Variants in MDGA2 observed in about 807,000 individuals in gnomAD.
MDGA2 encodes MAM domain-containing glycosylphosphatidylinositol anchor protein 2.
A neutral mutation model predicts 117.8 loss-of-function variants in MDGA2; 40 were observed. That is an observed-to-expected ratio of 0.34 (90% CI 0.26 to 0.44). MDGA2 has a LOEUF of 0.44. Ranked by LOEUF, MDGA2 falls within the 20% of genes least tolerant of loss-of-function variation. The pLI, the probability that MDGA2 is intolerant of heterozygous loss-of-function variation, is 1.00. For missense variants in MDGA2, 1,123 were observed against 1,250.6 expected (o/e 0.90, Z 1.54); for synonymous variants, 452 against 439.0 (o/e 1.03, Z -0.37).
rs3039467 is a variant in MDGA2 at position 47,289,304 on chromosome 14, T to TACACACACACACACAC, written c.420+12091_420+12106dup. 2.3e-4 allele frequency among the ~76,000 whole-genome samples: 32 copies of TACACACACACACACAC among 140,618 alleles called. 1 individual carries two copies. Among genetic ancestry groups the TACACACACACACACAC allele is most frequent in the African/African-American group, 4.0e-4 (15 of 37,332 alleles). 92.3% of individuals were successfully genotyped at this position (140,618 alleles called of 152,430 possible). ...ACAAATAACTCATACTTTCTGGACTTACACACACACACACACACACACACA... is the reference window on the plus strand; with the variant it reads ...ACAAATAACTCATACTTTCTGGACTTACACACACACACACACACACACACACACACACACACACACA... On this transcript the variant is annotated intron_variant, in intron 2 of 16. Transcript: ENST00000399232.
chr14:47,051,176 G>A (rs181980919), intron 7 of MDGA2, among the ~76,000 whole-genome samples: 341 of 151,990 alleles, frequency 2.2e-3, no homozygotes, highest in South Asian at 8.7e-3. Context: ...GGTCAAGTCA[G>A]GTGGAAGTGA....
At chr14:47,586,541 C>T (rs1000018405) in intron 1 of MDGA2, among the ~76,000 whole-genome samples, 23 of 151,930 alleles carry the variant, frequency 1.5e-4, no homozygotes, top group African/African-American at 5.6e-4. Flanking sequence ...GACATCAGGA[C>T]TCAAGTCCAC....
chr14:47,015,870 C>A (rs574252658), intron 8 of MDGA2, among the ~76,000 whole-genome samples: 2 of 151,792 alleles, frequency 1.3e-5, no homozygotes, highest in Non-Finnish European at 2.9e-5. Flanking sequence ...ATCTAAGGAG[C>A]CCAGATGTAA....
At chr14:47,033,205 T>C (rs1007056951) in intron 8 of MDGA2, among the ~76,000 whole-genome samples, 15 of 152,172 alleles carry the variant, frequency 9.9e-5, no homozygotes, top group African/African-American at 3.6e-4. Flanking sequence ...AAGGAAAAAA[T>C]AGGAAATTTA....
chr14:47,443,572 A>G (rs1262715186), intron 1 of MDGA2, among the ~76,000 whole-genome samples: 1 of 152,156 alleles, frequency 6.6e-6, no homozygotes, highest in Non-Finnish European at 1.5e-5. Flanking sequence ...GCATTTCACC[A>G]TTGCATAATT....
At chr14:47,260,777 C>T (rs1156784094) in intron 2 of MDGA2, among the ~76,000 whole-genome samples, 1 of 152,046 alleles carries the variant, frequency 6.6e-6, no homozygotes, top group African/African-American at 2.4e-5. Flanking sequence ...ACTGAATTGA[C>T]TCCTCAATCA....
Position 47,635,401 on chromosome 14 carries a change from A to G in MDGA2, c.280+39116T>C, listed in dbSNP as rs546346475. 4.7e-4 allele frequency among the ~76,000 whole-genome samples: 71 copies of G among 152,268 alleles called. 1 individual carries two copies. Among genetic ancestry groups the G allele is most frequent in the African/African-American group, 1.6e-3 (67 of 41,578 alleles). ...TGATATCATCAATTTATTCTCTCCT[A>G]ATTTTTATATGACCTGACGTAGTAT... is the stretch of plus-strand genomic sequence containing the variant. On this transcript the variant is annotated intron_variant, in intron 1 of 16. Coordinates refer to ENST00000399232, the MANE Select transcript of MDGA2 (RefSeq NM_001113498.3).
intron 1 of MDGA2, among the ~76,000 whole-genome samples, chr14:47,633,594 C>T (rs2068661): frequency 0.25 from 37,983 of 151,988 alleles, 5,720 homozygotes; most frequent in South Asian, 0.45. Flanking sequence ...TAAGAAAAAA[C>T]GCCAAATTTC....
intron 5 of MDGA2, among the ~76,000 whole-genome samples, chr14:47,106,888 C>G (rs1316478329): frequency 7.3e-6 from 1 of 137,756 alleles, no homozygotes; most frequent in East Asian, 2.0e-4. Context: ...CCAACTTAGA[C>G]AATACTCTTT....
At chr14:47,136,666 A>G (rs527660743) in intron 4 of MDGA2, among the ~76,000 whole-genome samples, 10 of 152,278 alleles carry the variant, frequency 6.6e-5, no homozygotes, top group Non-Finnish European at 1.2e-4. Flanking sequence ...CATTATGTCT[A>G]TGTATTGATC....
At chr14:47,482,480 C>T (rs2138637025) in intron 1 of MDGA2, among the ~76,000 whole-genome samples, 1 of 152,166 alleles carries the variant, frequency 6.6e-6, no homozygotes, top group Admixed American at 6.6e-5. Context: ...TTTCACCGGG[C>T]TTCAGCTGCC....
intron 2 of MDGA2, among the ~76,000 whole-genome samples, chr14:47,295,041 G>A (rs1324362559): frequency 6.6e-6 from 1 of 152,114 alleles, no homozygotes; most frequent in East Asian, 1.9e-4. Flanking sequence ...CTAAGGTTAA[G>A]GTGTAATAAA....
rs948297773 is a variant in MDGA2 at position 46,957,527 on chromosome 14, G to A, written c.1936C>T (p.Arg646Cys). 1.2e-6 allele frequency: 2 copies of A among 1,614,074 alleles called. No individual in the cohort carries two copies. Among genetic ancestry groups the A allele is most frequent in the Middle Eastern group, 1.7e-4 (1 of 6,060 alleles). ...YPIRVLTYEW[R>C]LGNKLLRTGQ... ...GTCCGTAATAATTTATTGCCCAAGC[G>A]CCACTCATAGGTCAGCACCCGTATT... Residue 646 changes from arginine (R) to cysteine (C), a missense_variant, in exon 9 of 17, where the codon CGC (arginine) becomes TGC (cysteine). Coordinates refer to ENST00000399232, the MANE Select transcript of MDGA2 (RefSeq NM_001113498.3).
chr14:47,365,804 C>G (rs1245525583), intron 1 of MDGA2, among the ~76,000 whole-genome samples: 3 of 152,136 alleles, frequency 2.0e-5, no homozygotes, highest in Admixed American at 6.6e-5. Context: ...AATTTTTCCT[C>G]CTCCTTCTGT....
intron 1 of MDGA2, among the ~76,000 whole-genome samples, chr14:47,423,104 T>C (rs1165075176): frequency 6.6e-6 from 1 of 152,170 alleles, no homozygotes; most frequent in East Asian, 1.9e-4. Flanking sequence ...AATCCTTGCT[T>C]TCTCTTCTTG....
chr14:46,858,471 A>C (rs565805194), intron 14 of MDGA2, among the ~76,000 whole-genome samples: 1 of 129,072 alleles, frequency 7.7e-6, no homozygotes, highest in Non-Finnish European at 1.5e-5. Context: ...TCTGTCTCCC[A>C]GGCTGAAGTG....
intron 8 of MDGA2, among the ~76,000 whole-genome samples, chr14:47,032,827 G>C (rs531893128): frequency 1.3e-5 from 2 of 152,250 alleles, no homozygotes; most frequent in South Asian, 4.1e-4. Flanking sequence ...AGAAGATTTG[G>C]AAATATATGG....
intron 8 of MDGA2, among the ~76,000 whole-genome samples, chr14:47,033,211 A>G (rs771026735): frequency 4.6e-5 from 7 of 152,238 alleles, no homozygotes; most frequent in Non-Finnish European, 1.0e-4. Flanking sequence ...AAAATAGGAA[A>G]TTTAGTTAAT....
In MDGA2 at chr14:47,153,999, A is replaced by G. The variant is rs1883267138; in HGVS notation, c.596-9725T>C. ...TACAGAGTGAAAGTCAAGTAAAAAC[A>G]TGGAGAGATTAATGGGTATAATCCT... On this transcript the variant is annotated intron_variant, in intron 3 of 16. Transcript: ENST00000399232. 1.3e-5 allele frequency among the ~76,000 whole-genome samples: 2 copies of G among 152,216 alleles called. 1 individual carries two copies. Among genetic ancestry groups the G allele is most frequent in the South Asian group, 4.1e-4 (2 of 4,836 alleles).
Sources: gnomAD v4.1 joint callset for allele counts (sites outside exome capture counted in the v4.1 genomes callset) on GRCh38, gnomAD v4.1.1 for gene constraint, MANE v1.5 for transcripts, NCBI Gene and HGNC (gene_info 2026-07-23, HGNC 2026-07-21) for gene names.